DENND2A: variants seen among roughly 807,000 people sequenced by gnomAD.
DENND2A encodes the protein DENN domain containing 2A.
DENND2A carries 53 observed loss-of-function variants against 105.3 expected under a neutral mutation model. That is an observed-to-expected ratio of 0.50 (90% CI 0.40 to 0.63). DENND2A has a LOEUF of 0.63. DENND2A is among the 30% of genes least tolerant of loss of function. The probability of loss-of-function intolerance (pLI) is 0.00; values close to 1 mark genes in which losing one functional copy is unlikely to be tolerated. For missense variants in DENND2A, 1,138 were observed against 1,279.6 expected, an observed-to-expected ratio of 0.89 and a Z score of 1.69; for synonymous variants, 522 against 508.4, an observed-to-expected ratio of 1.03 and a Z score of -0.36.
chr7:140,569,276 G>A (rs1585655502), intron 7 of DENND2A, among the ~76,000 whole-genome samples: 1 of 152,166 alleles, frequency 6.6e-6, no homozygotes, highest in African/African-American at 2.4e-5. Context: ...CGTCCAACTC[G>A]ATGTACTGCC....
chr7:140,630,765 G>A (rs530468291), intron 1 of DENND2A, among the ~76,000 whole-genome samples: 41 of 152,354 alleles, frequency 2.7e-4, no homozygotes, highest in African/African-American at 9.9e-4. Context: ...GGAGGCTGAG[G>A]AAGGAGAAAC....
At chr7:140,551,299 C>CAAAA (rs529992901) in intron 12 of DENND2A, among the ~76,000 whole-genome samples, 129 of 70,036 alleles carry the variant, frequency 1.8e-3, no homozygotes, top group Non-Finnish European at 2.3e-3. Flanking sequence ...GACTCCATCT[C>CAAAA]AAAAAAAAAA....
chr7:140,556,727 CTGAT>C (rs1422206538), intron 11 of DENND2A, among the ~76,000 whole-genome samples: 3 of 152,136 alleles, frequency 2.0e-5, no homozygotes, highest in Non-Finnish European at 2.9e-5. Flanking sequence ...TTTTATTTTA[CTGAT>C]TAATTCAAAA....
intron 3 of DENND2A, among the ~76,000 whole-genome samples, chr7:140,600,116 C>T (rs73500424): frequency 3.3e-5 from 5 of 151,812 alleles, no homozygotes; most frequent in African/African-American, 4.8e-5. Flanking sequence ...ACTAAACAAA[C>T]GGTGATGCCA....
At chr7:140,607,263 A>G (rs1455008784) in intron 1 of DENND2A, among the ~76,000 whole-genome samples, 1 of 152,188 alleles carries the variant, frequency 6.6e-6, no homozygotes, top group Non-Finnish European at 1.5e-5. Context: ...CAGAACTTCA[A>G]GACATGCAGA....
chr7:140,597,290 C>T (rs577969803), intron 3 of DENND2A, among the ~76,000 whole-genome samples: 1 of 152,152 alleles, frequency 6.6e-6, no homozygotes, highest in African/African-American at 2.4e-5. Context: ...AAATTTGAAA[C>T]CCTCATAACC....
At chr7:140,627,488 G>A (rs1249484145) in intron 1 of DENND2A, among the ~76,000 whole-genome samples, 1 of 151,412 alleles carries the variant, frequency 6.6e-6, no homozygotes, top group African/African-American at 2.4e-5. Flanking sequence ...ACAGGTATGA[G>A]TCACTGCACC....
intron 16 of DENND2A, among the ~76,000 whole-genome samples, chr7:140,525,440 C>T (rs555732535): frequency 1.3e-5 from 2 of 152,154 alleles, no homozygotes; most frequent in African/African-American, 4.8e-5. Context: ...CAGGTGTAAG[C>T]CACTGCACCC....
chr7:140,607,104 G>T (rs941730681), intron 1 of DENND2A, among the ~76,000 whole-genome samples: 2 of 152,146 alleles, frequency 1.3e-5, no homozygotes, highest in African/African-American at 4.8e-5. Context: ...GGGTATTTAC[G>T]TTACGTTTCC....
At chr7:140,624,108 C>T (rs947276451) in intron 1 of DENND2A, among the ~76,000 whole-genome samples, 1 of 152,176 alleles carries the variant, frequency 6.6e-6, no homozygotes, top group Non-Finnish European at 1.5e-5. Flanking sequence ...ATGGGATGAT[C>T]GAATCCTTTT....
intron 12 of DENND2A, among the ~76,000 whole-genome samples, chr7:140,553,584 A>G (rs1010680343): frequency 7.2e-5 from 11 of 152,152 alleles, no homozygotes; most frequent in African/African-American, 2.7e-4. Flanking sequence ...CATATTTCAG[A>G]CTATCCCATG....
chr7:140,599,994 G>T (rs562468814), intron 3 of DENND2A, among the ~76,000 whole-genome samples: 115 of 152,166 alleles, frequency 7.6e-4, no homozygotes, highest in Middle Eastern at 3.4e-3. Flanking sequence ...GATGTAGGCA[G>T]ATTTGGGATA....
At position 140,640,203 on chromosome 7, in the gene DENND2A, C is replaced by T. The variant is rs541248443; in HGVS notation, c.-248+301G>A. 1 of 152,730 alleles carries T rather than the reference C, an allele frequency of 6.5e-6. No individual in the cohort carries two copies. Among genetic ancestry groups the T allele is most frequent in the South Asian group, 2.1e-4 (1 of 4,848 alleles). The allele number at this position is 152,730 out of a possible 1,614,324, so 9.5% of individuals were successfully genotyped here. A position where few individuals can be genotyped will look rare whatever the true frequency, so the allele number is the denominator to read the frequency against. On this transcript the variant is annotated intron_variant, in intron 1 of 19. Transcript: ENST00000496613. This position sits in a 1 kb window ranked among gnomAD's most constrained non-coding sequence, Gnocchi z 4.9. ...GACACACACACACTCACACTCGCGC[C>T]CCGAGGGACCCAGCACGGCGCAGGG...
intron 1 of DENND2A, among the ~76,000 whole-genome samples, chr7:140,624,862 T>A (rs1283516482): frequency 6.7e-6 from 1 of 149,818 alleles, no homozygotes; most frequent in Non-Finnish European, 1.5e-5. Context: ...TTTTTTGTTT[T>A]TTTTTGTTTT....
At chr7:140,548,131 G>A (rs553798479) in intron 12 of DENND2A, among the ~76,000 whole-genome samples, 5 of 151,718 alleles carry the variant, frequency 3.3e-5, no homozygotes, top group Admixed American at 6.6e-5. Context: ...TTGCTAGGTC[G>A]CCCAGGCTTG....
intron 1 of DENND2A, among the ~76,000 whole-genome samples, chr7:140,624,778 ATTG>A (rs1229243555): frequency 7.1e-6 from 1 of 140,764 alleles, no homozygotes; most frequent in Non-Finnish European, 1.5e-5. Flanking sequence ...GTTTCTGGTG[ATTG>A]TTTTTTTTTT....
At chr7:140,617,894 C>T (rs1280339437) in intron 1 of DENND2A, among the ~76,000 whole-genome samples, 1 of 152,138 alleles carries the variant, frequency 6.6e-6, no homozygotes, top group Non-Finnish European at 1.5e-5. Context: ...CTTTCATAAA[C>T]CCGGGAAGGA....
intron 9 of DENND2A, among the ~76,000 whole-genome samples, chr7:140,566,683 T>A (rs1169792205): frequency 4.0e-5 from 5 of 125,176 alleles, no homozygotes; most frequent in Non-Finnish European, 8.1e-5. Flanking sequence ...CTGGCCATAC[T>A]ATTTTTTTTT....
chr7:140,545,486 G>T (rs1389523889), intron 13 of DENND2A, among the ~76,000 whole-genome samples: 1 of 152,124 alleles, frequency 6.6e-6, no homozygotes, highest in East Asian at 1.9e-4. Context: ...AAGTAGCTGA[G>T]ATTACAGGTG....
Sources: gnomAD v4.1 joint callset for allele counts (sites outside exome capture counted in the v4.1 genomes callset) on GRCh38, gnomAD v4.1.1 for gene constraint, Gnocchi (gnomAD v3.1) non-coding constraint, MANE v1.5 for transcripts, NCBI Gene and HGNC (gene_info 2026-07-23, HGNC 2026-07-21) for gene names.